Variants in NEO1 observed in about 807,000 individuals in gnomAD.
The protein encoded by NEO1 is neogenin.
NEO1 carries 63 observed loss-of-function variants against 159.7 expected under a neutral mutation model. The ratio of observed to expected loss-of-function variants is 0.39; its 90% CI spans 0.32 to 0.49. The LOEUF (loss-of-function observed/expected upper bound fraction) is 0.49, where lower values mean the gene tolerates loss of function less well. Ranked by LOEUF, NEO1 falls within the 20% of genes least tolerant of loss-of-function variation. The probability of loss-of-function intolerance (pLI) is 0.85; values close to 1 mark genes in which losing one functional copy is unlikely to be tolerated. For missense variants in NEO1, 1,615 were observed against 1,831.0 expected, an observed-to-expected ratio of 0.88 and a Z score of 2.15; for synonymous variants, 633 against 662.0, an observed-to-expected ratio of 0.96 and a Z score of 0.67.
rs1322907844 is a variant in NEO1 at position 73,052,708 on chromosome 15, C to T, written c.33C>T (p.Leu11=). 16 of 1,363,612 alleles carry T rather than the reference C, an allele frequency of 1.2e-5. No individual in the cohort carries two copies. Among genetic ancestry groups the T allele is most frequent in the African/African-American group, 1.5e-5 (1 of 65,888 alleles). The allele number at this position is 1,363,612 out of a possible 1,614,324, so 84.5% of individuals were successfully genotyped here. A position where few individuals can be genotyped will look rare whatever the true frequency, so the allele number is the denominator to read the frequency against. ...CGGAGCGGGGAGCCCGGCGACTCCT[C>T]AGCACCCCCTCCTTCTGGCTCTACT... MAAERGARRL[L]STPSFWLYCL... Residue 11 remains leucine (L), a synonymous_variant, in exon 1 of 29, where the codon CTC becomes CTT. Coordinates refer to ENST00000261908, the MANE Select transcript of NEO1 (RefSeq NM_002499.4).
At chr15:73,177,489 A>G (rs1014390850) in intron 6 of NEO1, among the ~76,000 whole-genome samples, 1 of 152,200 alleles carries the variant, frequency 6.6e-6, no homozygotes, top group African/African-American at 2.4e-5. Context: ...CTTAAAATCA[A>G]TATTTGGAAA....
chr15:73,259,997 G>C (rs1007772507), intron 14 of NEO1, among the ~76,000 whole-genome samples: 2 of 151,688 alleles, frequency 1.3e-5, no homozygotes, highest in Admixed American at 6.6e-5. Flanking sequence ...GGGCAGAAGA[G>C]GTTCTTGTAT....
intron 1 of NEO1, among the ~76,000 whole-genome samples, chr15:73,086,919 A>G (rs1022879736): frequency 4.6e-5 from 7 of 151,924 alleles, no homozygotes; most frequent in African/African-American, 1.5e-4. Context: ...ACCTCCCAAA[A>G]TGCTGGGATT....
At chr15:73,122,061 GTGTATATATATATA>G (rs1272327491) in intron 2 of NEO1, among the ~76,000 whole-genome samples, 6 of 63,726 alleles carry the variant, frequency 9.4e-5, no homozygotes, top group African/African-American at 2.2e-4. Context: ...GTGTGTGTGT[GTGTATATATATATA>G]TATATATATA....
chr15:73,164,125 T>TC (rs2034395096), intron 5 of NEO1, among the ~76,000 whole-genome samples: 1 of 151,750 alleles, frequency 6.6e-6, no homozygotes, highest in African/African-American at 2.4e-5. Flanking sequence ...CCTCCCATGT[T>TC]CAAGCGATTC....
chr15:73,062,837 C>T (rs1002629350), intron 1 of NEO1, among the ~76,000 whole-genome samples: 1 of 152,090 alleles, frequency 6.6e-6, no homozygotes, highest in Admixed American at 6.5e-5. Context: ...GCAGAACATC[C>T]CTGTAAAAGG....
rs766333354 is a variant in NEO1, at chr15:73,253,382, T to C, written c.1895-18T>C. ...GGTGATTAAAAAAAAAATTTTTTTT[T>C]TTTTTTTGTTTCTCTAGTTCCCAGT... On this transcript the variant is annotated intron_variant, in intron 11 of 28. Transcript: ENST00000261908. 1 of 1,527,402 alleles carries C rather than the reference T, an allele frequency of 6.5e-7. No individual in the cohort carries two copies. The highest frequency in any genetic ancestry group is 8.7e-7 in the Non-Finnish European group (1 of 1,143,552). 94.6% of individuals were successfully genotyped at this position (1,527,402 alleles called of 1,614,324 possible).
chr15:73,270,075 A>G lies in NEO1; in HGVS notation c.2560A>G (p.Met854Val). The change falls in exon 17 of 29, where the codon ATG becomes GTG. Residue 854 changes from methionine (M) to valine (V), a missense_variant. This residue lies in a region of NEO1 where 1,018 missense variants were observed against 1,115.4 expected (regional missense o/e 0.91). Coordinates refer to ENST00000261908, the MANE Select transcript of NEO1 (RefSeq NM_002499.4). ...PYTPVPDPTP[M>V]MPPVGVQASI... ...CACTCCAGTGCCAGATCCCACTCCC[A>G]TGATGCCACCAGTGGGAGTTCAGGC... 1 of 1,614,182 alleles carries G rather than the reference A, an allele frequency of 6.2e-7. No homozygotes were observed. Among genetic ancestry groups the G allele is most frequent in the Non-Finnish European group, 8.5e-7 (1 of 1,180,032 alleles).
intron 7 of NEO1, among the ~76,000 whole-genome samples, chr15:73,191,803 CAAGAAT>C (rs1420954024): frequency 2.0e-5 from 3 of 151,914 alleles, no homozygotes; most frequent in Non-Finnish European, 2.9e-5. Context: ...TGTTCATTGT[CAAGAAT>C]AAGAATACAT....
chr15:73,251,539 G>A (rs2040069571), intron 11 of NEO1, among the ~76,000 whole-genome samples: 1 of 150,098 alleles, frequency 6.7e-6, no homozygotes, highest in African/African-American at 2.4e-5. Context: ...AAAAAGTTGG[G>A]AAAAAGAAAC....
intron 7 of NEO1, among the ~76,000 whole-genome samples, chr15:73,208,009 G>C (rs1468897591): frequency 6.6e-6 from 1 of 152,136 alleles, no homozygotes; most frequent in African/African-American, 2.4e-5. Context: ...ATTTCAAGGA[G>C]ATTCAGGATA....
In NEO1 at chr15:73,272,530, A is replaced by G; in HGVS notation, c.2933A>G (p.Gln978Arg). The G allele has an allele frequency of 6.2e-7, 1 of 1,613,836 alleles. No homozygotes were observed. Among genetic ancestry groups the G allele is most frequent in the South Asian group, 1.1e-5 (1 of 91,072 alleles). The change falls in exon 19 of 29, where the codon CAG becomes CGG. Residue 978 changes from glutamine (Q) to arginine (R), a missense_variant. Gln to Arg is a conservative substitution (Grantham distance 43). Around this residue, in one of 3 missense-constraint regions of NEO1, gnomAD observed 126 missense variants for 216.7 expected, o/e 0.58. Coordinates refer to ENST00000261908, the MANE Select transcript of NEO1 (RefSeq NM_002499.4). The stretch of plus-strand genomic sequence containing the variant: ...CCTAAGACCATAATTGTGAATTGGC[A>G]GCCTCCCTCCGAAGCCAATGGCAAA... ...GKPKTIIVNW[Q>R]PPSEANGKIT...
At chr15:73,293,654 G>A in intron 26 of NEO1, 106 bp downstream of exon 26, 1 of 1,241,140 alleles carries the variant, frequency 8.1e-7, no homozygotes, top group Non-Finnish European at 1.1e-6. Flanking sequence ...GAATTTTTCT[G>A]TTTTATTTAA....
At chr15:73,200,163 C>T (rs768853725) in intron 7 of NEO1, among the ~76,000 whole-genome samples, 10 of 152,116 alleles carry the variant, frequency 6.6e-5, no homozygotes, top group Non-Finnish European at 1.2e-4. Context: ...CTATCTAGGC[C>T]TAGTGCATTC....
chr15:73,074,934 A>C (rs892647762), intron 1 of NEO1, among the ~76,000 whole-genome samples: 2 of 152,206 alleles, frequency 1.3e-5, no homozygotes, highest in Non-Finnish European at 2.9e-5. Context: ...CCATACTTTT[A>C]TCTCTATATC....
intron 7 of NEO1, among the ~76,000 whole-genome samples, chr15:73,186,838 G>A (rs1157853769): frequency 6.6e-6 from 1 of 152,040 alleles, no homozygotes; most frequent in East Asian, 1.9e-4. Flanking sequence ...AGGCTTAATG[G>A]GTCAGTCTCT....
At position 73,198,825 on chromosome 15, in the gene NEO1, C is replaced by T. The variant is rs149402555; in HGVS notation, c.1291+20398C>T. Reference sequence around the variant, plus strand: ...CTTTTCTGTCTATATTGTTAAGAAACTTTATCTTAGGATTATATTAGATTT... The same window carrying T: ...CTTTTCTGTCTATATTGTTAAGAAATTTTATCTTAGGATTATATTAGATTT... On this transcript the variant is annotated intron_variant, in intron 7 of 28. Coordinates refer to ENST00000261908, the MANE Select transcript of NEO1 (RefSeq NM_002499.4). Among the ~76,000 whole-genome samples, 344 of 151,860 alleles carry T rather than the reference C, an allele frequency of 2.3e-3. 5 individuals carry two copies. Among genetic ancestry groups the T allele is most frequent in the Middle Eastern group, 0.014 (4 of 294 alleles).
In NEO1 at chr15:73,171,198, A is replaced by T. The variant is rs79751921; in HGVS notation, c.1016-5205A>T. Among the ~76,000 whole-genome samples, 1,300 of 152,294 alleles carry T rather than the reference A, an allele frequency of 8.5e-3. 21 individuals carry two copies. The highest frequency in any genetic ancestry group is 0.03 in the African/African-American group (1,228 of 41,556). ...AAAGAGGAGTCTGTAGATGGAAAAAAAAACCTAAGAAACAAATTAACACCA... is the reference window on the plus strand; with the variant it reads ...AAAGAGGAGTCTGTAGATGGAAAAATAAACCTAAGAAACAAATTAACACCA... On this transcript the variant is annotated intron_variant, in intron 5 of 28. Transcript: ENST00000261908.
At chr15:73,102,645 T>C (rs757060565) in intron 1 of NEO1, among the ~76,000 whole-genome samples, 2 of 152,234 alleles carry the variant, frequency 1.3e-5, no homozygotes, top group Non-Finnish European at 2.9e-5. Context: ...GCTTTTGGGA[T>C]GCCCTGTTCT....
Sources: gnomAD v4.1 joint callset for allele counts (sites outside exome capture counted in the v4.1 genomes callset) on GRCh38, gnomAD v4.1.1 for gene constraint, gnomAD v4.1.1 regional missense constraint, MANE v1.5 for transcripts, NCBI Gene and HGNC (gene_info 2026-07-23, HGNC 2026-07-21) for gene names.